The following NTM variants were observed in gnomAD, a reference collection of about 807,000 sequenced individuals.
NTM encodes IgLON family member 2.
A neutral mutation model predicts 42.1 loss-of-function variants in NTM; 13 were observed. The observed-to-expected ratio is 0.31, with a 90% confidence interval of 0.20 to 0.49. NTM has a LOEUF of 0.49. Ranked by LOEUF, NTM falls within the 20% of genes least tolerant of loss-of-function variation. The probability of loss-of-function intolerance (pLI) is 0.99; values close to 1 mark genes in which losing one functional copy is unlikely to be tolerated. For missense variants in NTM, 373 were observed against 452.8 expected (o/e 0.82, Z 1.60); for synonymous variants, 187 against 179.2 (o/e 1.04, Z -0.35).
chr11:131,576,651 A>T (rs2057963086), intron 1 of NTM, among the ~76,000 whole-genome samples: 2 of 152,240 alleles, frequency 1.3e-5, no homozygotes, highest in African/African-American at 4.8e-5. Context: ...CTAATGGTAG[A>T]TTCACATAGG....
At chr11:131,631,276 A>AGT (rs1276454705) in intron 1 of NTM, among the ~76,000 whole-genome samples, 4 of 152,226 alleles carry the variant, frequency 2.6e-5, no homozygotes, top group Non-Finnish European at 4.4e-5. Flanking sequence ...CAGTAACTGC[A>AGT]GTGTGTGTGT....
chr11:131,515,051 A>G (rs2048722227), intron 1 of NTM, among the ~76,000 whole-genome samples: 1 of 152,070 alleles, frequency 6.6e-6, no homozygotes, highest in South Asian at 2.1e-4. Flanking sequence ...TGGAACTACT[A>G]CCAGCATGTG....
chr11:132,312,790 G>A (rs2095317056), intron 6 of NTM: 2 of 154,830 alleles, frequency 1.3e-5, no homozygotes, highest in Admixed American at 6.5e-5. Flanking sequence ...CCGGTGAGTG[G>A]TATGGACAGC....
chr11:132,162,367 T>C (rs111075025), intron 3 of NTM, among the ~76,000 whole-genome samples: 9,655 of 143,392 alleles, frequency 0.067, 495 homozygotes, highest in Middle Eastern at 0.16. Context: ...TGGGGGGGAC[T>C]GCGTGAGTGT....
At chr11:131,379,992 T>C (rs1266066416) in intron 1 of NTM, among the ~76,000 whole-genome samples, 2 of 152,122 alleles carry the variant, frequency 1.3e-5, no homozygotes, top group African/African-American at 4.8e-5. Flanking sequence ...TGCCAAGGCA[T>C]GTGAAATCCT....
chr11:131,471,805 T>A (rs1027012493), intron 1 of NTM, among the ~76,000 whole-genome samples: 1 of 152,200 alleles, frequency 6.6e-6, no homozygotes, highest in Non-Finnish European at 1.5e-5. Context: ...GTCTGGGGAC[T>A]GGGGTTGTAG....
chr11:132,060,330 G>A (rs1291920062), intron 2 of NTM, among the ~76,000 whole-genome samples: 7 of 152,206 alleles, frequency 4.6e-5, no homozygotes, highest in Non-Finnish European at 7.3e-5. Context: ...TGGTGCATTC[G>A]AGGCTGAAGA....
At position 131,533,401 on chromosome 11, in the gene NTM, C is replaced by G. The variant is rs560533444; in HGVS notation, c.82+162513C>G. 2.6e-5 allele frequency among the ~76,000 whole-genome samples: 4 copies of G among 152,370 alleles called. No homozygotes were observed. In the East Asian group the frequency reaches 7.7e-4, roughly 29 times the overall value. ...CTGCGCGGCCTTGATAAATGCCTTT[C>G]TCTGTGTCTGTTACACCAGCCCAGG... On this transcript the variant is annotated intron_variant, in intron 1 of 8. Coordinates refer to ENST00000683400, the MANE Select transcript of NTM (RefSeq NM_001352005.2).
chr11:131,943,626 G>A (rs1165275033), intron 2 of NTM, among the ~76,000 whole-genome samples: 1 of 152,152 alleles, frequency 6.6e-6, no homozygotes, highest in African/African-American at 2.4e-5. Context: ...CACTCTCTGA[G>A]CACCTACCCT....
At chr11:131,838,174 A>T (rs2043756258) in intron 1 of NTM, among the ~76,000 whole-genome samples, 1 of 152,136 alleles carries the variant, frequency 6.6e-6, no homozygotes, top group South Asian at 2.1e-4. Context: ...CGGTTCCAGC[A>T]TCACGGATGC....
chr11:131,377,052 A>T (rs1942065680), intron 1 of NTM, among the ~76,000 whole-genome samples: 1 of 152,200 alleles, frequency 6.6e-6, no homozygotes, highest in Admixed American at 6.5e-5. Context: ...ACCGGAAGCA[A>T]GGGTGGAGAC....
At chr11:131,799,300 G>A (rs1366165399) in intron 1 of NTM, among the ~76,000 whole-genome samples, 4 of 152,130 alleles carry the variant, frequency 2.6e-5, no homozygotes, top group Non-Finnish European at 5.9e-5. Context: ...AACCTGGAGT[G>A]GAATCCTCTG....
At chr11:131,989,894 T>G (rs2066724587) in intron 2 of NTM, among the ~76,000 whole-genome samples, 1 of 152,162 alleles carries the variant, frequency 6.6e-6, no homozygotes, top group Admixed American at 6.5e-5. Context: ...GTGAGATTTC[T>G]ATTCCTTTTT....
At chr11:132,149,611 C>T (rs1362654762) in intron 3 of NTM, among the ~76,000 whole-genome samples, 2 of 152,164 alleles carry the variant, frequency 1.3e-5, no homozygotes, top group African/African-American at 2.4e-5. Flanking sequence ...TCCCATCTAC[C>T]CCCTAGTTCT....
intron 1 of NTM, among the ~76,000 whole-genome samples, chr11:131,682,512 G>T (rs74730600): frequency 6.6e-6 from 1 of 152,170 alleles, no homozygotes; most frequent in East Asian, 1.9e-4. Flanking sequence ...GCTGGAGAGC[G>T]GAGCCCTCTC....
chr11:131,492,928 C>T (rs1320565714), intron 1 of NTM, among the ~76,000 whole-genome samples: 4 of 152,066 alleles, frequency 2.6e-5, no homozygotes, highest in African/African-American at 9.7e-5. Context: ...GGAAAAGAAG[C>T]AACTTAGGGC....
chr11:131,661,744 G>A (rs1402790709), intron 1 of NTM, among the ~76,000 whole-genome samples: 1 of 152,134 alleles, frequency 6.6e-6, no homozygotes, highest in Non-Finnish European at 1.5e-5. Flanking sequence ...TCCCCTAAGA[G>A]TAGAGTGAAA....
At chr11:131,630,995 G>T (rs2063598404) in intron 1 of NTM, among the ~76,000 whole-genome samples, 1 of 152,126 alleles carries the variant, frequency 6.6e-6, no homozygotes, top group Non-Finnish European at 1.5e-5. Flanking sequence ...GTCCCACAAT[G>T]GCCAGCCAGC....
intron 1 of NTM, among the ~76,000 whole-genome samples, chr11:131,668,886 A>G (rs750126856): frequency 6.6e-6 from 1 of 152,218 alleles, no homozygotes; most frequent in Non-Finnish European, 1.5e-5. Flanking sequence ...AGTTATTATG[A>G]GGCATTTCAA....
Sources: gnomAD v4.1 joint callset for allele counts (sites outside exome capture counted in the v4.1 genomes callset) on GRCh38, gnomAD v4.1.1 for gene constraint, MANE v1.5 for transcripts, NCBI Gene and HGNC (gene_info 2026-07-23, HGNC 2026-07-21) for gene names.